Variants in PDE4D observed in about 807,000 individuals in gnomAD.
PDE4D encodes 3',5'-cyclic-AMP phosphodiesterase 4D.
In PDE4D, 24 loss-of-function variants were observed where a neutral mutation model predicts 87.4. That is an observed-to-expected ratio of 0.27 (90% CI 0.20 to 0.39). The LOEUF (loss-of-function observed/expected upper bound fraction) is 0.39. Ranked by LOEUF, PDE4D falls within the 10% of genes least tolerant of loss-of-function variation. The pLI is 1.00. For synonymous variants in PDE4D, 384 were observed against 383.2 expected, an observed-to-expected ratio of 1.00 and a Z score of -0.02; for missense variants, 714 against 1,041.0, an observed-to-expected ratio of 0.69 and a Z score of 4.32.
intron 1 of PDE4D, among the ~76,000 whole-genome samples, chr5:59,888,052 G>A (rs1049939863): frequency 6.6e-6 from 1 of 152,212 alleles, no homozygotes; most frequent in African/African-American, 2.4e-5. Flanking sequence ...TTCTTCAAAT[G>A]TAAAAGATGG....
intron 5 of PDE4D, among the ~76,000 whole-genome samples, chr5:59,106,547 G>C (rs1395980613): frequency 6.6e-6 from 1 of 152,140 alleles, no homozygotes; most frequent in Non-Finnish European, 1.5e-5. Context: ...TGGATCATGA[G>C]GTCAGGAGTT....
chr5:59,328,838 G>A (rs749205931), intron 1 of PDE4D, among the ~76,000 whole-genome samples: 3 of 152,138 alleles, frequency 2.0e-5, no homozygotes, highest in South Asian at 4.1e-4. Context: ...AATTGAATAC[G>A]TGTACTTGAG....
intron 1 of PDE4D, among the ~76,000 whole-genome samples, chr5:60,518,142 G>A (rs1321803921): frequency 6.6e-6 from 1 of 152,220 alleles, no homozygotes; most frequent in Non-Finnish European, 1.5e-5. Flanking sequence ...GGAGCTGCCT[G>A]CCCTGCTTCA....
At chr5:59,780,926 G>C (rs1207989153) in intron 1 of PDE4D, among the ~76,000 whole-genome samples, 1 of 152,082 alleles carries the variant, frequency 6.6e-6, no homozygotes, top group African/African-American at 2.4e-5. Context: ...CAGCACTTTG[G>C]GAGGCTGAGG....
At chr5:60,273,166 C>T (rs1047006504) in intron 1 of PDE4D, among the ~76,000 whole-genome samples, 3 of 152,048 alleles carry the variant, frequency 2.0e-5, no homozygotes, top group Non-Finnish European at 4.4e-5. Flanking sequence ...GTAATTTTAA[C>T]ACTAAGGATA....
chr5:59,358,088 T>C (rs1432957914), intron 1 of PDE4D, among the ~76,000 whole-genome samples: 1 of 152,206 alleles, frequency 6.6e-6, no homozygotes, highest in Non-Finnish European at 1.5e-5. Flanking sequence ...TCTTGAATAT[T>C]CATATAATTT....
intron 2 of PDE4D, among the ~76,000 whole-genome samples, chr5:60,101,829 C>T (rs1350950278): frequency 6.6e-6 from 1 of 152,080 alleles, no homozygotes; most frequent in African/African-American, 2.4e-5. Context: ...GAGCAAACAC[C>T]CAAACACACA....
At position 60,473,117 on chromosome 5, in the gene PDE4D, GAGAAAGAAAGGAAGGAAGGAAGGA is replaced by G. The variant is rs200458995; in HGVS notation, c.-90+14801_-90+14824del. Among the ~76,000 whole-genome samples the G allele has an allele frequency of 3.1e-3, 255 of 81,040 alleles. 2 individuals carry two copies. The highest frequency in any genetic ancestry group is 0.016 in the African/African-American group (242 of 14,880). 53.2% of individuals were successfully genotyped at this position (81,040 alleles called of 152,430 possible). ...TGAAAGAAAGAAAGAAAGAGAGAGA[GAGAAAGAAAGGAAGGAAGGAAGGA>G]AGGAAGGAAGGAAGGAAGGAAGGAA... On this transcript the variant is annotated intron_variant, in intron 1 of 16. Transcript: ENST00000502484.
intron 2 of PDE4D, among the ~76,000 whole-genome samples, chr5:60,089,510 C>T (rs1307801296): frequency 6.6e-6 from 1 of 151,652 alleles, no homozygotes; most frequent in Non-Finnish European, 1.5e-5. Context: ...AATGGAAATA[C>T]AGCATACAAA....
chr5:59,582,400 A>C (rs1164524466), intron 1 of PDE4D, among the ~76,000 whole-genome samples: 1 of 152,160 alleles, frequency 6.6e-6, no homozygotes, highest in African/African-American at 2.4e-5. Context: ...AAGAGGAGAA[A>C]ACCTTAAAAG....
chr5:59,105,030 G>A (rs984342637), intron 5 of PDE4D, among the ~76,000 whole-genome samples: 7 of 152,172 alleles, frequency 4.6e-5, no homozygotes, highest in Non-Finnish European at 1.0e-4. Context: ...TTCTTGGCAC[G>A]TACTTCTGTC....
At position 60,270,745 on chromosome 5, in the gene PDE4D, T is replaced by C. The variant is rs34762325; in HGVS notation, c.-89-85058A>G. 7.2e-3 allele frequency among the ~76,000 whole-genome samples: 1,091 copies of C among 152,270 alleles called. 15 individuals are homozygous for C. Among genetic ancestry groups the C allele is most frequent in the Non-Finnish European group, 0.01 (691 of 67,998 alleles). On this transcript the variant is annotated intron_variant, in intron 1 of 16. Transcript: ENST00000502484. ...TAAAGTAGAGATTTTCTCAATGAAA[T>C]CTCCGCTTATCATTCAGATGTCTGA...
intron 1 of PDE4D, among the ~76,000 whole-genome samples, chr5:59,434,073 T>TGAG (rs1796479739): frequency 1.5e-5 from 2 of 133,802 alleles, no homozygotes. Flanking sequence ...ATCTTTAGGA[T>TGAG]GTTCCTAAAG....
At chr5:60,037,229 C>G (rs1767913855) in intron 2 of PDE4D, among the ~76,000 whole-genome samples, 1 of 152,050 alleles carries the variant, frequency 6.6e-6, no homozygotes. Context: ...ATATTACATG[C>G]AATACAATAT....
chr5:59,830,883 A>G lies in PDE4D; in HGVS notation c.455+62285T>C, dbSNP rs542121093. Among the ~76,000 whole-genome samples, 6 of 152,178 alleles carry G rather than the reference A, an allele frequency of 3.9e-5. No individual in the cohort carries two copies. In the South Asian group the frequency reaches 1.2e-3, roughly 32 times the overall value. On this transcript the variant is annotated intron_variant, in intron 1 of 14. Coordinates refer to ENST00000340635, the MANE Select transcript of PDE4D (RefSeq NM_001104631.2). ...TAAAAATAGCTTAGTAATCCTTCAA[A>G]ATAAAATTGTGTTCACCTATCATTT... is the stretch of plus-strand genomic sequence containing the variant.
intron 1 of PDE4D, among the ~76,000 whole-genome samples, chr5:59,876,935 C>T (rs1748687150): frequency 6.6e-6 from 1 of 151,970 alleles, no homozygotes. Flanking sequence ...TAGTAATTGT[C>T]CTACACATTA....
At chr5:59,491,983 T>A (rs935470948) in intron 1 of PDE4D, among the ~76,000 whole-genome samples, 1 of 151,792 alleles carries the variant, frequency 6.6e-6, no homozygotes, top group Non-Finnish European at 1.5e-5. Flanking sequence ...CAGCTGGGAG[T>A]CTTCTCAGCT....
intron 1 of PDE4D, among the ~76,000 whole-genome samples, chr5:59,331,906 C>A (rs1192640508): frequency 6.6e-6 from 1 of 152,194 alleles, no homozygotes; most frequent in Non-Finnish European, 1.5e-5. Context: ...TTAGCGCCAG[C>A]TTTTCTCAGT....
At chr5:59,520,400 G>T (rs895570764) in intron 1 of PDE4D, among the ~76,000 whole-genome samples, 2 of 152,174 alleles carry the variant, frequency 1.3e-5, no homozygotes, top group African/African-American at 2.4e-5. Flanking sequence ...CCTGATAAAG[G>T]TGCTTAAAAA....
Sources: allele counts gnomAD v4.1 joint callset (sites outside exome capture counted in the v4.1 genomes callset), GRCh38; gene constraint gnomAD v4.1.1; transcripts MANE v1.5; gene names NCBI Gene and HGNC (gene_info 2026-07-23, HGNC 2026-07-21).